The following PRDM16 variants were observed in gnomAD, a reference collection of about 807,000 sequenced individuals.
The protein encoded by PRDM16 is histone-lysine N-methyltransferase PRDM16.
Under a neutral mutation model 110.6 loss-of-function variants are expected in PRDM16, and 23 were observed. That is an observed-to-expected ratio of 0.21 (90% CI 0.15 to 0.29). The LOEUF is 0.29. Ranked by LOEUF, PRDM16 falls within the 10% of genes least tolerant of loss-of-function variation. The pLI is 1.00. For missense variants in PRDM16, 1,615 were observed against 1,794.3 expected (o/e 0.90, Z 1.81); for synonymous variants, 799 against 781.8 (o/e 1.02, Z -0.37).
chr1:3,307,510 T>C (rs911806736), intron 3 of PRDM16: 4 of 152,136 alleles, frequency 2.6e-5, no homozygotes, highest in African/African-American at 9.7e-5. Context: ...CCAAAGAACA[T>C]TGTAAATTTT....
At chr1:3,430,779 C>A in intron 14 of PRDM16, 93 bp from the exon 15 acceptor site, 1 of 1,428,140 alleles carries the variant, frequency 7.0e-7, no homozygotes, top group Non-Finnish European at 9.7e-7. Context: ...TCGGGGGAGG[C>A]AGTGGGGGCA....
At chr1:3,405,807 G>T (rs1643552773) in intron 8 of PRDM16, among the ~76,000 whole-genome samples, 159 bp downstream of exon 8, 1 of 152,246 alleles carries the variant, frequency 6.6e-6, no homozygotes, top group Non-Finnish European at 1.5e-5. Context: ...GCCGCGTGCA[G>T]CCTGGTCCCC....
intron 3 of PRDM16, among the ~76,000 whole-genome samples, chr1:3,296,119 C>G (rs144397090): frequency 1.3e-5 from 2 of 152,176 alleles, no homozygotes; most frequent in East Asian, 3.9e-4. Context: ...AGATCCACTC[C>G]GAGGGTCTCA....
chr1:3,197,892 G>T (rs958411796), intron 2 of PRDM16, among the ~76,000 whole-genome samples: 2 of 152,168 alleles, frequency 1.3e-5, no homozygotes. Context: ...CACTCCTCAG[G>T]GGGCAGTGGC....
At chr1:3,178,943 C>T (rs750983425) in intron 1 of PRDM16, among the ~76,000 whole-genome samples, 16 of 152,170 alleles carry the variant, frequency 1.1e-4, no homozygotes, top group Non-Finnish European at 7.3e-5. Flanking sequence ...TAAAACCTTC[C>T]GGTCCCACCT....
At chr1:3,252,244 G>A (rs968410447) in intron 3 of PRDM16, among the ~76,000 whole-genome samples, 11 of 152,220 alleles carry the variant, frequency 7.2e-5, no homozygotes, top group Non-Finnish European at 1.2e-4. Context: ...GAGTGCTCCC[G>A]GCTCCGAGGG....
At chr1:3,362,303 G>A (rs1359710534) in intron 3 of PRDM16, among the ~76,000 whole-genome samples, 1 of 151,188 alleles carries the variant, frequency 6.6e-6, no homozygotes, top group East Asian at 2.0e-4. Context: ...CGGGCACGTG[G>A]TGTGTATGCT....
At chr1:3,258,613 C>T (rs760411350) in intron 3 of PRDM16, among the ~76,000 whole-genome samples, 9 of 152,212 alleles carry the variant, frequency 5.9e-5, no homozygotes, top group South Asian at 2.1e-4. Flanking sequence ...TTCTGAGCAA[C>T]GGCCAAGACT....
chr1:3,295,279 G>T (rs1641062377), intron 3 of PRDM16, among the ~76,000 whole-genome samples: 1 of 152,184 alleles, frequency 6.6e-6, no homozygotes, highest in African/African-American at 2.4e-5. Flanking sequence ...GCCCCTCCTG[G>T]CCTCACTTTC....
chr1:3,227,830 G>C (rs1639324993), intron 2 of PRDM16, among the ~76,000 whole-genome samples: 1 of 152,238 alleles, frequency 6.6e-6, no homozygotes, highest in South Asian at 2.1e-4. Context: ...CTGGGCAAGA[G>C]CTCCTGTGGG....
At position 3,404,175 on chromosome 1, in the gene PRDM16, G is replaced by A. The variant is rs975178348; in HGVS notation, c.885-564G>A. Among the ~76,000 whole-genome samples, 5 of 152,170 alleles carry A rather than the reference G, an allele frequency of 3.3e-5. No homozygotes were observed. The East Asian group carries it at 5.8e-4, about 18-fold the overall frequency. On this transcript the variant is annotated intron_variant, in intron 6 of 16. Transcript: ENST00000270722. ...GGTCATCCCTGGGACAAGGGAAGCC[G>A]GGGGTCCCCCAAGAGCAGGGAATTA...
At chr1:3,342,438 A>G (rs1642289679) in intron 3 of PRDM16, among the ~76,000 whole-genome samples, 1 of 152,208 alleles carries the variant, frequency 6.6e-6, no homozygotes, top group Non-Finnish European at 1.5e-5. Context: ...ATAAGTGTCC[A>G]CAGTTAGCAG....
chr1:3,260,068 G>A (rs1045972473), intron 3 of PRDM16, among the ~76,000 whole-genome samples: 3 of 152,038 alleles, frequency 2.0e-5, no homozygotes, highest in Non-Finnish European at 4.4e-5. Flanking sequence ...TCTCCCCTGC[G>A]GTGTACCCCT....
At chr1:3,430,646 G>C (rs539389824) in intron 14 of PRDM16, among the ~76,000 whole-genome samples, 2 of 152,196 alleles carry the variant, frequency 1.3e-5, no homozygotes, top group Non-Finnish European at 2.9e-5. Flanking sequence ...TGCCCCCACC[G>C]CCCCGAGCGC....
chr1:3,172,360 A>T (rs1373170853), intron 1 of PRDM16, among the ~76,000 whole-genome samples: 1 of 151,996 alleles, frequency 6.6e-6, no homozygotes, highest in East Asian at 1.9e-4. Flanking sequence ...AGTCAACCTT[A>T]CCTGCTTTCC....
At chr1:3,380,511 C>T (rs942255800) in intron 3 of PRDM16, among the ~76,000 whole-genome samples, 4 of 152,142 alleles carry the variant, frequency 2.6e-5, no homozygotes, top group Non-Finnish European at 5.9e-5. Context: ...GCAGCAAAGC[C>T]TGAGCGTGTA....
At chr1:3,321,908 A>G (rs1018490580) in intron 3 of PRDM16, among the ~76,000 whole-genome samples, 13 of 151,230 alleles carry the variant, frequency 8.6e-5, no homozygotes, top group Admixed American at 5.9e-4. Context: ...TTGTAGGAGC[A>G]CGTGTGTAAA....
chr1:3,343,789 C>T (rs1642314646), intron 3 of PRDM16, among the ~76,000 whole-genome samples: 1 of 152,002 alleles, frequency 6.6e-6, no homozygotes. Flanking sequence ...TACAGGCATC[C>T]ACCACCATGC....
At chr1:3,171,433 T>C (rs1332397677) in intron 1 of PRDM16, among the ~76,000 whole-genome samples, 1 of 152,188 alleles carries the variant, frequency 6.6e-6, no homozygotes, top group Non-Finnish European at 1.5e-5. Context: ...CAGAGCCTCC[T>C]GCGAGGACGC....
Sources: gnomAD v4.1 joint callset for allele counts (sites outside exome capture counted in the v4.1 genomes callset) on GRCh38, gnomAD v4.1.1 for gene constraint, MANE v1.5 for transcripts, NCBI Gene and HGNC (gene_info 2026-07-23, HGNC 2026-07-21) for gene names.